The following MCM4 variants were observed in gnomAD, a reference collection of about 807,000 sequenced individuals.
MCM4 encodes the protein minichromosome maintenance complex component 4.
In MCM4, 60 loss-of-function variants were observed where a neutral mutation model predicts 88.7. That is an observed-to-expected ratio of 0.68 (90% CI 0.55 to 0.84). MCM4 has a LOEUF of 0.84. Among genes scored for constraint, MCM4 ranks in the 40% least tolerant of loss-of-function variants. The pLI is 0.00. For missense variants in MCM4, 1,149 were observed against 1,105.5 expected (o/e 1.04, Z -0.56); for synonymous variants, 465 against 410.5 (o/e 1.13, Z -1.61).
intron 13 of MCM4, among the ~76,000 whole-genome samples, chr8:47,972,396 G>A (rs570552779): frequency 1.3e-5 from 2 of 152,208 alleles, no homozygotes; most frequent in South Asian, 4.1e-4. Context: ...GGATGGACAC[G>A]AAGGCCCTTT....
At position 47,962,141 on chromosome 8, in the gene MCM4, G is replaced by A. The variant is rs1216868812; in HGVS notation, c.324G>A (p.Arg108=). Residue 108 remains arginine (R), a synonymous_variant, in exon 4 of 17, where the codon AGG becomes AGA. Coordinates refer to ENST00000649973, the MANE Select transcript of MCM4 (RefSeq NM_182746.3). ...AGGGAACCCCAAGAAGTGGTGTTAG[G>A]GGCACACCTGTGAGACAGAGGCCTG... The part of the protein sequence containing the change: ...RVEGTPRSGV[R]GTPVRQRPDL... The A allele has an allele frequency of 6.2e-7, 1 of 1,614,188 alleles. No homozygotes were observed. The highest frequency in any genetic ancestry group is 8.5e-7 in the Non-Finnish European group (1 of 1,180,022).
rs772154089 is a variant in MCM4, at chr8:47,974,846, C to G, written c.2249C>G (p.Ser750Cys). Residue 750 changes from serine to cysteine, a missense_variant, in exon 15 of 17, where the codon TCT becomes TGT. Around this residue, in one of 3 missense-constraint regions of MCM4, gnomAD observed 238 missense variants for 241.6 expected, o/e 0.99. Coordinates refer to ENST00000649973, the MANE Select transcript of MCM4 (RefSeq NM_182746.3). ...GAAGCCCATGCTAAAGTAAGATTGT[C>G]TAACAAAGTTGAAGCCATTGATGTG... ...LAEAHAKVRL[S>C]NKVEAIDVEE... 6.2e-7 allele frequency: 1 copy of G among 1,614,230 alleles called. No homozygotes were observed. The highest frequency in any genetic ancestry group is 1.7e-5 in the Admixed American group (1 of 60,024).
intron 2 of MCM4, 139 bp from the exon 3 acceptor site, chr8:47,961,377 G>A (rs1359176658): frequency 6.6e-7 from 1 of 1,525,104 alleles, no homozygotes; most frequent in Non-Finnish European, 8.8e-7. Context: ...CTGTGGCCTG[G>A]GTGCTGCTTA....
chr8:47,972,857 G>A lies in MCM4; in HGVS notation c.1929G>A (p.Arg643=), dbSNP rs201190526. The A allele has an allele frequency of 3.7e-6, 6 of 1,613,666 alleles. No individual in the cohort carries two copies. The Admixed American group carries it at 6.7e-5, about 18-fold the overall frequency. The change falls in exon 14 of 17, where the codon AGG becomes AGA. Residue 643 remains arginine, a splice_region_variant and synonymous_variant. Transcript: ENST00000649973. ...NIQLPHTLLS[R]FDLIFLLLDP... Reference sequence around the variant, plus strand: ...CAGTATTTTTACTTTGTTTTCTTAGGTTTGATTTGATCTTCCTCTTGCTGG... The same window carrying A: ...CAGTATTTTTACTTTGTTTTCTTAGATTTGATTTGATCTTCCTCTTGCTGG...
Position 47,967,364 on chromosome 8 carries a change from G to T in MCM4, c.1054-1G>T, listed in dbSNP as rs1199777371. 1.2e-6 allele frequency: 2 copies of T among 1,614,166 alleles called. No individual in the cohort carries two copies. The highest frequency in any genetic ancestry group is 8.5e-7 in the Non-Finnish European group (1 of 1,180,016). On this transcript the variant is annotated splice_acceptor_variant, in intron 9 of 16. Coordinates refer to ENST00000649973, the MANE Select transcript of MCM4 (RefSeq NM_182746.3). LOFTEE classifies it high-confidence loss of function. ...CATGTTCTCTGTTTGCTGACCTTCA[G>T]ATCAAGCTTCAGGAGTCTCCGGAAG...
chr8:47,962,168 C>T lies in MCM4; in HGVS notation c.351C>T (p.Asp117=). 6.2e-7 allele frequency: 1 copy of T among 1,614,196 alleles called. No individual in the cohort carries two copies. Among genetic ancestry groups the T allele is most frequent in the Non-Finnish European group, 8.5e-7 (1 of 1,180,030 alleles). The part of the protein sequence containing the change: ...VRGTPVRQRP[D]LGSAQKGLQV... ...GCACACCTGTGAGACAGAGGCCTGA[C>T]CTGGGCTCTGCACAGAAGGGCCTGC... The change falls in exon 4 of 17, where the codon GAC becomes GAT. Residue 117 remains aspartate, a synonymous_variant. Transcript: ENST00000649973.
At chr8:47,970,979 G>A (rs2090948562) in intron 12 of MCM4, 103 bp downstream of exon 12, 20 of 1,375,080 alleles carry the variant, frequency 1.5e-5, no homozygotes, top group Non-Finnish European at 2.0e-5. Context: ...GTTCTAACTT[G>A]GGGAGATTGA....
chr8:47,971,264 G>T, intron 12 of MCM4, 77 bp from the exon 13 acceptor site: 2 of 1,569,588 alleles, frequency 1.3e-6, no homozygotes, highest in South Asian at 1.1e-5. Context: ...GGGTTTAGTA[G>T]GTGGCCGGGC....
intron 8 of MCM4, 70 bp downstream of exon 8, chr8:47,964,782 T>C (rs568105615): frequency 5.3e-6 from 7 of 1,326,570 alleles, no homozygotes; most frequent in Admixed American, 2.6e-5. Context: ...CTTGTTTTCA[T>C]TGAGAAATTA....
rs988016965 is a variant in MCM4 at position 47,960,973 on chromosome 8, C to A, written c.-56C>A. On this transcript the variant is annotated 5_prime_UTR_variant, in exon 1 of 17. Transcript: ENST00000649973. ...GGGAGCGCTACTCGCCAGGTGGACT[C>A]GGAGTCCGCGAGCGTCGTCGGCAAG... 4 of 627,726 alleles carry A rather than the reference C, an allele frequency of 6.4e-6. No individual in the cohort carries two copies. The East Asian group carries it at 1.4e-4, about 22-fold the overall frequency. 38.9% of individuals were successfully genotyped at this position (627,726 alleles called of 1,614,324 possible).
In MCM4 at chr8:47,961,228, G is replaced by C; in HGVS notation, c.70+14G>C. ...CCGCCCAGACGCGTGAGTCCCCCGA[G>C]CCGGGCCCACTACAGCCCCCGGCGC... On this transcript the variant is annotated intron_variant, in intron 2 of 16. Coordinates refer to ENST00000649973, the MANE Select transcript of MCM4 (RefSeq NM_182746.3). 1 of 1,495,768 alleles carries C rather than the reference G, an allele frequency of 6.7e-7. No individual in the cohort carries two copies. The highest frequency in any genetic ancestry group is 8.8e-7 in the Non-Finnish European group (1 of 1,130,406). 92.7% of individuals were successfully genotyped at this position (1,495,768 alleles called of 1,614,324 possible).
At position 47,966,434 on chromosome 8, in the gene MCM4, C is replaced by G. The variant is rs745688277; in HGVS notation, c.1053+27C>G. On this transcript the variant is annotated intron_variant, in intron 9 of 16. Transcript: ENST00000649973. ...TGCGCAGCCACCCTGGCCCCCCAGG[C>G]TATGCTTTGCCTGTCTGTATCCTCA... The G allele has an allele frequency of 6.4e-7, 1 of 1,574,778 alleles. No homozygotes were observed. Among genetic ancestry groups the G allele is most frequent in the Non-Finnish European group, 8.6e-7 (1 of 1,157,444 alleles).
chr8:47,975,913 G>T (rs2090996929), intron 16 of MCM4, 65 bp downstream of exon 16: 1 of 1,176,792 alleles, frequency 8.5e-7, no homozygotes, highest in Non-Finnish European at 1.1e-6. Context: ...TTGCTTTTGG[G>T]TTTTTTTCCT....
chr8:47,975,653 G>T, intron 15 of MCM4, 62 bp from the exon 16 acceptor site: 1 of 1,319,620 alleles, frequency 7.6e-7, no homozygotes, highest in South Asian at 1.5e-5. Context: ...ATATTTTTGA[G>T]AATTTGAAGC....
chr8:47,976,998 G>A lies in MCM4; in HGVS notation c.*220G>A, dbSNP rs551825075. The stretch of plus-strand genomic sequence containing the variant: ...AATACTATGCTGGCCGGGCGCGGTG[G>A]CTCACACCTGTAATCCCAGCACTTT... On this transcript the variant is annotated 3_prime_UTR_variant, in exon 17 of 17. Transcript: ENST00000649973. 33 of 355,500 alleles carry A rather than the reference G, an allele frequency of 9.3e-5. 1 individual carries two copies. The highest frequency in any genetic ancestry group is 5.3e-4 in the South Asian group (20 of 37,544). 22.0% of individuals were successfully genotyped at this position (355,500 alleles called of 1,614,324 possible). A position where few individuals can be genotyped will look rare whatever the true frequency, so the allele number is the denominator to read the frequency against.
Position 47,966,300 on chromosome 8 carries a change from G to T in MCM4, c.946G>T (p.Glu316Ter), listed in dbSNP as rs766787976. 4 of 1,613,944 alleles carry T rather than the reference G, an allele frequency of 2.5e-6. No individual in the cohort carries two copies. The Admixed American group carries it at 6.7e-5, about 27-fold the overall frequency. Residue 316 changes from glutamate to a stop codon, truncating the protein, a stop_gained, in exon 9 of 17, where the codon GAG becomes TAG. Transcript: ENST00000649973. LOFTEE classifies it high-confidence loss of function. ...AGTGTGTGCCCACACGACCCGGGTG[G>T]AGATGGACCGCGGCCGCATTGCAGA... ...CQVCAHTTRV[E>*]MDRGRIAEPS...
chr8:47,961,386 T>A, intron 2 of MCM4, 130 bp from the exon 3 acceptor site: 1 of 1,550,008 alleles, frequency 6.5e-7, no homozygotes, highest in Non-Finnish European at 8.7e-7. Context: ...GGGTGCTGCT[T>A]AATTCGATTG....
chr8:47,961,721 C>T (rs979041738), intron 3 of MCM4, 41 bp downstream of exon 3: 1 of 1,566,304 alleles, frequency 6.4e-7, no homozygotes, highest in Non-Finnish European at 8.7e-7. Context: ...GCTTGATACA[C>T]AGCTGATGCT....
At chr8:47,975,182 G>GTTTTT in intron 15 of MCM4, 1 of 346,252 alleles carries the variant, frequency 2.9e-6, no homozygotes, top group East Asian at 5.1e-5. Flanking sequence ...GTTTTTTTTT[G>GTTTTT]TTTTTTTTTT....
Sources: gnomAD v4.1 joint callset for allele counts (sites outside exome capture counted in the v4.1 genomes callset) on GRCh38, gnomAD v4.1.1 for gene constraint, gnomAD v4.1.1 regional missense constraint, MANE v1.5 for transcripts, NCBI Gene and HGNC (gene_info 2026-07-23, HGNC 2026-07-21) for gene names.